Variants in IST1 observed in about 807,000 individuals in gnomAD.
The protein encoded by IST1 is IST1 homolog.
IST1 carries 23 observed loss-of-function variants against 37.0 expected under a neutral mutation model. The observed-to-expected ratio is 0.62, with a 90% CI of 0.45 to 0.88. The LOEUF is 0.88. Ranked by LOEUF, IST1 falls within the 40% of genes least tolerant of loss-of-function variation. The pLI is 0.00. For synonymous variants in IST1, 180 were observed against 161.7 expected (o/e 1.11, Z -0.86); for missense variants, 488 against 445.4 (o/e 1.10, Z -0.86).
chr16:71,903,592 A>G (rs548732773), intron 1 of IST1: 1 of 152,294 alleles, frequency 6.6e-6, no homozygotes, highest in South Asian at 2.1e-4. Flanking sequence ...TTTAATAGAG[A>G]CGAGGTCTTA....
At chr16:71,917,323 T>A (rs1219945152) in intron 4 of IST1, among the ~76,000 whole-genome samples, 189 bp downstream of exon 4, 3 of 152,238 alleles carry the variant, frequency 2.0e-5, no homozygotes, top group African/African-American at 7.2e-5. Flanking sequence ...TTTTGCAAAC[T>A]TGAGCAGTTT....
At chr16:71,898,770 C>T (rs887388367) in intron 1 of IST1, among the ~76,000 whole-genome samples, 2 of 150,754 alleles carry the variant, frequency 1.3e-5, no homozygotes, top group African/African-American at 2.4e-5. Context: ...GGACATCAGG[C>T]GTTGGAGACC....
Position 71,922,332 on chromosome 16 carries a change from T to G in IST1, c.553-142T>G, listed in dbSNP as rs1455063687. 5 of 709,594 alleles carry G rather than the reference T, an allele frequency of 7.0e-6. No individual in the cohort carries two copies. The East Asian group carries it at 1.2e-4, about 17-fold the overall frequency. 44.0% of individuals were successfully genotyped at this position (709,594 alleles called of 1,614,324 possible). A position where few individuals can be genotyped will look rare whatever the true frequency, so the allele number is the denominator to read the frequency against. On this transcript the variant is annotated intron_variant, in intron 6 of 9. Coordinates refer to ENST00000378799, the MANE Select transcript of IST1 (RefSeq NM_001270975.2). ...CCCAACTTCTCCTTCCACCTAACTC[T>G]GCCTTTTCTTCCCCCACAGGTGTTG...
chr16:71,916,338 T>C, intron 2 of IST1, 124 bp from the exon 3 acceptor site: 2 of 862,636 alleles, frequency 2.3e-6, no homozygotes, highest in South Asian at 1.7e-5. Flanking sequence ...GGATTAGATT[T>C]GCTAAAGGAG....
intron 1 of IST1, among the ~76,000 whole-genome samples, chr16:71,902,670 T>C (rs2037134340): frequency 6.6e-6 from 1 of 152,254 alleles, no homozygotes; most frequent in Admixed American, 6.5e-5. Context: ...TTATTTCATT[T>C]AATTGTTGAA....
chr16:71,919,854 T>G (rs990104764), intron 4 of IST1, among the ~76,000 whole-genome samples: 8 of 152,234 alleles, frequency 5.3e-5, no homozygotes, highest in African/African-American at 1.9e-4. Context: ...TCTGTGTGAT[T>G]ATTTTGTTAG....
upstream of IST1, chr16:71,894,709 T>TTC (rs2142507055): frequency 3.5e-6 from 2 of 571,672 alleles, no homozygotes; most frequent in Admixed American, 6.6e-5. Flanking sequence ...TTTTTTTTTT[T>TTC]TTTTTTTGTA....
At chr16:71,916,807 G>T (rs1389244414) in intron 3 of IST1, among the ~76,000 whole-genome samples, 165 bp downstream of exon 3, 4 of 152,194 alleles carry the variant, frequency 2.6e-5, no homozygotes, top group African/African-American at 9.7e-5. Context: ...AAACTGAGAA[G>T]CCTAAATTTG....
At chr16:71,902,304 C>G (rs1334810652) in intron 1 of IST1, among the ~76,000 whole-genome samples, 1 of 152,074 alleles carries the variant, frequency 6.6e-6, no homozygotes, top group Non-Finnish European at 1.5e-5. Context: ...AAGTCTGGCT[C>G]TGTCATCCAG....
chr16:71,898,404 C>T (rs905361129), intron 1 of IST1, among the ~76,000 whole-genome samples: 5 of 147,202 alleles, frequency 3.4e-5, no homozygotes, highest in African/African-American at 1.0e-4. Context: ...TCTCTTGGTG[C>T]GGGGCACTGT....
rs183646894 is a variant in IST1 at position 71,915,771 on chromosome 16, A to T, written c.88+43A>T. On this transcript the variant is annotated intron_variant, in intron 2 of 9. Transcript: ENST00000378799. ...TTTCCCCAAAAATAAATCACTGGAT[A>T]CTAGCACCCCAGTAATGGGTCTTTC... is the stretch of plus-strand genomic sequence containing the variant. The T allele has an allele frequency of 3.3e-6, 4 of 1,201,510 alleles. No individual in the cohort carries two copies. In the African/African-American group the frequency reaches 4.5e-5, roughly 14 times the overall value. The allele number at this position is 1,201,510 out of a possible 1,614,324, so 74.4% of individuals were successfully genotyped here. A position where few individuals can be genotyped will look rare whatever the true frequency, so the allele number is the denominator to read the frequency against.
intron 1 of IST1, among the ~76,000 whole-genome samples, chr16:71,900,026 C>T (rs940575128): frequency 4.1e-5 from 6 of 147,838 alleles, no homozygotes; most frequent in South Asian, 2.1e-4. Flanking sequence ...ATTAGCTGGG[C>T]GTGATGGCAG....
Position 71,927,749 on chromosome 16 carries a change from C to A in IST1, c.1037C>A (p.Ala346Glu), listed in dbSNP as rs752360039. The change falls in exon 10 of 10, where the codon GCA (alanine) becomes GAA (glutamate). Residue 346 changes from alanine to glutamate, a missense_variant. By Grantham distance (107) the Ala-to-Glu change is moderately radical. This residue lies in a region of IST1 where 455 missense variants were observed against 386.2 expected (regional missense o/e 1.18). Coordinates refer to ENST00000378799, the MANE Select transcript of IST1 (RefSeq NM_001270975.2). The stretch of plus-strand genomic sequence containing the variant: ...GCATCTGCTGGTGCCAGCACCTCAG[C>A]ATCTGAAGACATTGACTTTGATGAT... ...PTASAGASTS[A>E]SEDIDFDDLS... The A allele has an allele frequency of 6.2e-7, 1 of 1,614,094 alleles. No individual in the cohort carries two copies. The highest frequency in any genetic ancestry group is 1.1e-5 in the South Asian group (1 of 91,084).
chr16:71,907,513 G>A (rs914410901), intron 1 of IST1, among the ~76,000 whole-genome samples: 1 of 152,002 alleles, frequency 6.6e-6, no homozygotes, highest in Admixed American at 6.6e-5. Flanking sequence ...TTTTGACCTC[G>A]TGATCCGCCC....
chr16:71,895,779 A>C (rs2036952865), intron 1 of IST1, among the ~76,000 whole-genome samples, 190 bp downstream of exon 1: 2 of 152,192 alleles, frequency 1.3e-5, no homozygotes, highest in Non-Finnish European at 2.9e-5. Flanking sequence ...CCCGCGGCGC[A>C]GGAGGCTGCC....
intron 1 of IST1, chr16:71,903,573 C>A (rs953515648): frequency 6.6e-6 from 1 of 152,174 alleles, no homozygotes; most frequent in African/African-American, 2.4e-5. Flanking sequence ...TTTTCCTCTT[C>A]TTTAAAAATT....
chr16:71,916,981 A>T, intron 3 of IST1, 66 bp from the exon 4 acceptor site: 1 of 1,060,356 alleles, frequency 9.4e-7, no homozygotes, highest in East Asian at 2.4e-5. Flanking sequence ...AAAGTATATG[A>T]AACAAAAGCT....
intron 1 of IST1, among the ~76,000 whole-genome samples, chr16:71,907,373 G>A (rs2037248587): frequency 6.6e-6 from 1 of 151,432 alleles, no homozygotes; most frequent in South Asian, 2.1e-4. Flanking sequence ...CGCCTCCTGG[G>A]TTCATGCCAT....
chr16:71,912,131 AT>A (rs1415882038), intron 1 of IST1, among the ~76,000 whole-genome samples: 2 of 152,048 alleles, frequency 1.3e-5, no homozygotes, highest in African/African-American at 2.4e-5. Context: ...TCCATTGCAG[AT>A]TTCCCCCCAA....
Sources: gnomAD v4.1 joint callset for allele counts (sites outside exome capture counted in the v4.1 genomes callset) on GRCh38, gnomAD v4.1.1 for gene constraint, gnomAD v4.1.1 regional missense constraint, MANE v1.5 for transcripts, NCBI Gene and HGNC (gene_info 2026-07-23, HGNC 2026-07-21) for gene names.